Variants in ZSCAN5A observed in about 807,000 individuals in gnomAD.
ZSCAN5A encodes the protein zinc finger and SCAN domain-containing protein 5A.
ZSCAN5A carries 12 observed loss-of-function variants against 23.7 expected under a neutral mutation model. That is an observed-to-expected ratio of 0.51 (90% CI 0.32 to 0.82). The LOEUF (loss-of-function observed/expected upper bound fraction) is 0.82. Among genes scored for constraint, ZSCAN5A ranks in the 40% least tolerant of loss-of-function variants. ZSCAN5A has a pLI of 0.03. For synonymous variants in ZSCAN5A, 257 were observed against 239.9 expected, an observed-to-expected ratio of 1.07 and a Z score of -0.66; for missense variants, 597 against 617.9, an observed-to-expected ratio of 0.97 and a Z score of 0.36.
At chr19:56,287,741 C>A (rs925343041) in intron 2 of ZSCAN5A, among the ~76,000 whole-genome samples, 1 of 152,134 alleles carries the variant, frequency 6.6e-6, no homozygotes, top group African/African-American at 2.4e-5. Context: ...GGTGGGGAAA[C>A]TGAGGGCTGG....
At chr19:56,248,749 C>T (rs888760224) in intron 2 of ZSCAN5A, among the ~76,000 whole-genome samples, 1 of 151,824 alleles carries the variant, frequency 6.6e-6, no homozygotes, top group Non-Finnish European at 1.5e-5. Context: ...TTTTTCAGAG[C>T]TGTTTTAGGT....
chr19:56,302,526 CT>C (rs1259163160), intron 2 of ZSCAN5A, among the ~76,000 whole-genome samples: 6 of 79,658 alleles, frequency 7.5e-5, no homozygotes, highest in South Asian at 5.5e-4. Context: ...TCCTCCCTCC[CT>C]CCCTCTTCTT....
chr19:56,364,015 A>G (rs1600305110), intron 1 of ZSCAN5A, among the ~76,000 whole-genome samples: 1 of 152,362 alleles, frequency 6.6e-6, no homozygotes, highest in Middle Eastern at 3.4e-3. Context: ...AATGCAAACA[A>G]GAGCTGATAG....
chr19:56,252,729 C>T (rs1279323701), intron 2 of ZSCAN5A, among the ~76,000 whole-genome samples: 1 of 152,172 alleles, frequency 6.6e-6, no homozygotes, highest in African/African-American at 2.4e-5. Context: ...TGAACCTCAA[C>T]GTCTGGGTGA....
chr19:56,248,242 C>A (rs988469937), intron 2 of ZSCAN5A, among the ~76,000 whole-genome samples: 23 of 151,744 alleles, frequency 1.5e-4, no homozygotes, highest in Non-Finnish European at 1.5e-5. Flanking sequence ...GTATTGTTTT[C>A]TTTTTTGCTT....
intron 2 of ZSCAN5A, among the ~76,000 whole-genome samples, chr19:56,329,733 G>A (rs907813778): frequency 6.6e-6 from 1 of 151,940 alleles, no homozygotes; most frequent in African/African-American, 2.4e-5. Context: ...CTCACATCTT[G>A]GTAGGTCAAA....
intron 2 of ZSCAN5A, chr19:56,304,685 G>A (rs1011970624): frequency 2.4e-5 from 14 of 592,440 alleles, no homozygotes; most frequent in South Asian, 2.2e-4. Flanking sequence ...GGGGGAGGAC[G>A]GGAAAGAAGC....
chr19:56,326,153 G>C (rs1332850656), intron 2 of ZSCAN5A, among the ~76,000 whole-genome samples: 4 of 152,016 alleles, frequency 2.6e-5, no homozygotes, highest in Admixed American at 1.3e-4. Flanking sequence ...TAGCCAGGAT[G>C]GTCTCGATCT....
intron 2 of ZSCAN5A, among the ~76,000 whole-genome samples, chr19:56,267,306 C>T (rs961951381): frequency 6.6e-6 from 1 of 152,060 alleles, no homozygotes; most frequent in Non-Finnish European, 1.5e-5. Flanking sequence ...TCCCCAACAC[C>T]GAGACTGCTT....
chr19:56,287,628 A>G (rs1265776340), intron 2 of ZSCAN5A, among the ~76,000 whole-genome samples: 3 of 152,130 alleles, frequency 2.0e-5, no homozygotes, highest in Non-Finnish European at 4.4e-5. Context: ...CCAAGTACCA[A>G]TCGAATGTAG....
At chr19:56,269,195 A>G (rs1378080518) in intron 2 of ZSCAN5A, among the ~76,000 whole-genome samples, 2 of 152,116 alleles carry the variant, frequency 1.3e-5, no homozygotes, top group African/African-American at 4.8e-5. Flanking sequence ...TTTTTGAGAA[A>G]CTGCCAAACT....
chr19:56,320,944 C>T, intron 2 of ZSCAN5A: 1 of 748,930 alleles, frequency 1.3e-6, no homozygotes. Flanking sequence ...GTCCTGCTTT[C>T]AAATTGTGGG....
chr19:56,328,313 A>G (rs1568754048), intron 2 of ZSCAN5A, among the ~76,000 whole-genome samples: 1 of 152,052 alleles, frequency 6.6e-6, no homozygotes, highest in African/African-American at 2.4e-5. Context: ...AAATTTTACT[A>G]TTTTATTATA....
At chr19:56,361,390 A>C (rs1239032650) in intron 2 of ZSCAN5A, among the ~76,000 whole-genome samples, 6 of 152,250 alleles carry the variant, frequency 3.9e-5, no homozygotes, top group Non-Finnish European at 8.8e-5. Context: ...ATTCTATTTT[A>C]AAAATACATG....
chr19:56,294,447 C>T (rs1335088671), intron 2 of ZSCAN5A, among the ~76,000 whole-genome samples: 1 of 152,176 alleles, frequency 6.6e-6, no homozygotes, highest in Non-Finnish European at 1.5e-5. Context: ...ATATTTTTTG[C>T]TTGTTTGAGA....
intron 3 of ZSCAN5A, chr19:56,224,346 G>C: frequency 2.5e-6 from 1 of 401,712 alleles, no homozygotes. Context: ...CACAGTGTGT[G>C]GGTCCCTGTA....
At chr19:56,319,742 A>T, upstream of ZSCAN5A, 1 of 705,426 alleles carries the variant, frequency 1.4e-6, no homozygotes, top group Non-Finnish European at 2.6e-6. Context: ...TTTAACAAAC[A>T]CAGATCTGCT....
chr19:56,225,295 T>C (rs939137717), intron 2 of ZSCAN5A, 122 bp from the exon 3 acceptor site: 5 of 916,128 alleles, frequency 5.5e-6, no homozygotes, highest in Non-Finnish European at 7.5e-6. Flanking sequence ...AGTGGAAATC[T>C]TCCAGTGTCT....
At chr19:56,343,188 G>C in intron 2 of ZSCAN5A, 1 of 739,682 alleles carries the variant, frequency 1.4e-6, no homozygotes, top group Non-Finnish European at 2.4e-6. Flanking sequence ...CTAACTTCAG[G>C]TTTCTCCTCA....
Sources: gnomAD v4.1 joint callset for allele counts (sites outside exome capture counted in the v4.1 genomes callset) on GRCh38, gnomAD v4.1.1 for gene constraint, MANE v1.5 for transcripts, NCBI Gene and HGNC (gene_info 2026-07-23, HGNC 2026-07-21) for gene names.